ACSS3: variants seen among roughly 807,000 people sequenced by gnomAD.
ACSS3 encodes the protein acyl-CoA synthetase short chain family member 3.
ACSS3 carries 64 observed loss-of-function variants against 84.2 expected under a neutral mutation model. The ratio of observed to expected loss-of-function variants is 0.76; its 90% CI spans 0.62 to 0.94. ACSS3 has a LOEUF of 0.94. Ranked by LOEUF, ACSS3 falls within the 40% of genes least tolerant of loss-of-function variation. ACSS3 has a pLI of 0.00. For missense variants in ACSS3, 815 were observed against 867.6 expected, an observed-to-expected ratio of 0.94 and a Z score of 0.76; for synonymous variants, 317 against 310.1, an observed-to-expected ratio of 1.02 and a Z score of -0.23.
At chr12:81,131,537 T>TG (rs1276023107) in intron 2 of ACSS3, among the ~76,000 whole-genome samples, 2 of 152,170 alleles carry the variant, frequency 1.3e-5, no homozygotes, top group Admixed American at 6.5e-5. Context: ...GCTGAGATGA[T>TG]GGGGTTTTCT....
chr12:81,115,547 C>T (rs1049239941), intron 2 of ACSS3, among the ~76,000 whole-genome samples: 2 of 152,004 alleles, frequency 1.3e-5, no homozygotes, highest in Non-Finnish European at 2.9e-5. Context: ...GCAATCCTCC[C>T]GTCTCAGCCT....
intron 9 of ACSS3, among the ~76,000 whole-genome samples, chr12:81,215,623 G>A (rs1311092676): frequency 2.0e-5 from 3 of 152,150 alleles, no homozygotes; most frequent in Non-Finnish European, 2.9e-5. Context: ...TAGATATGAT[G>A]GGTTTGGCAG....
At chr12:81,158,993 T>C (rs1887019318) in intron 7 of ACSS3, among the ~76,000 whole-genome samples, 1 of 152,190 alleles carries the variant, frequency 6.6e-6, no homozygotes, top group Non-Finnish European at 1.5e-5. Context: ...CAGTATTTAA[T>C]ACATATTTGT....
intron 1 of ACSS3, among the ~76,000 whole-genome samples, chr12:81,087,267 G>A (rs1356147367): frequency 6.6e-6 from 1 of 152,066 alleles, no homozygotes; most frequent in Admixed American, 6.6e-5. Flanking sequence ...TGGACAATAG[G>A]AATACCTTCT....
rs186126444 is a variant in ACSS3 at position 81,171,910 on chromosome 12, T to C, written c.1099-2878T>C. Among the ~76,000 whole-genome samples, 8 of 152,286 alleles carry C rather than the reference T, an allele frequency of 5.3e-5. No individual in the cohort carries two copies. The East Asian group carries it at 1.4e-3, about 26-fold the overall frequency. On this transcript the variant is annotated intron_variant, in intron 7 of 15. Coordinates refer to ENST00000548058, the MANE Select transcript of ACSS3 (RefSeq NM_024560.4). ...GCTACAAACCTGTACAACATGTTATTGTGTTGAATACTGCAAGCAATTGTA... is the reference window on the plus strand; with the variant it reads ...GCTACAAACCTGTACAACATGTTATCGTGTTGAATACTGCAAGCAATTGTA...
intron 10 of ACSS3, among the ~76,000 whole-genome samples, chr12:81,218,705 G>A (rs139234885): frequency 1.6e-3 from 241 of 152,100 alleles, no homozygotes; most frequent in East Asian, 2.5e-3. Context: ...GGTGGAAGAC[G>A]TTAAACACAT....
intron 1 of ACSS3, among the ~76,000 whole-genome samples, chr12:81,087,641 T>C (rs879541567): frequency 2.6e-5 from 4 of 152,134 alleles, no homozygotes; most frequent in Non-Finnish European, 5.9e-5. Flanking sequence ...AATCTCACTT[T>C]GCATTCTCTC....
rs902408770 is a variant in ACSS3, at chr12:81,139,363, T to C, written c.780+98T>C. ...AAGAGACATTTGATTTATAAGCTAT[T>C]AAGTATACTGCTGAATGTTATTGTT... On this transcript the variant is annotated intron_variant, in intron 4 of 15. Transcript: ENST00000548058. 4.6e-6 allele frequency: 6 copies of C among 1,314,702 alleles called. No individual in the cohort carries two copies. In the African/African-American group the frequency reaches 8.8e-5, roughly 19 times the overall value. 81.4% of individuals were successfully genotyped at this position (1,314,702 alleles called of 1,614,324 possible). A position where few individuals can be genotyped will look rare whatever the true frequency, so the allele number is the denominator to read the frequency against.
chr12:81,110,331 C>T (rs993658440), intron 2 of ACSS3, among the ~76,000 whole-genome samples: 2 of 152,112 alleles, frequency 1.3e-5, no homozygotes, highest in African/African-American at 4.8e-5. Context: ...CTTTGTAGCT[C>T]TTTGAACATG....
chr12:81,231,029 A>G (rs1282582599), intron 11 of ACSS3, 28 bp from the exon 12 acceptor site: 4 of 1,548,710 alleles, frequency 2.6e-6, no homozygotes, highest in Admixed American at 1.7e-5. Context: ...CTTTCATCAT[A>G]ATTTTAACTT....
chr12:81,116,494 A>G (rs1490762536), intron 2 of ACSS3, among the ~76,000 whole-genome samples: 1 of 152,126 alleles, frequency 6.6e-6, no homozygotes, highest in Non-Finnish European at 1.5e-5. Context: ...CACTGTTGGA[A>G]GTATAAACTT....
rs2034498333 is a variant in ACSS3, at chr12:81,258,849, GA to G, written c.*3929del. On this transcript the variant is annotated 3_prime_UTR_variant, in exon 16 of 16. Coordinates refer to ENST00000548058, the MANE Select transcript of ACSS3 (RefSeq NM_024560.4). ...GAATGAACATGTGGTTCTTAGTAAAGAAGTTTTTTTATCTTTTTTTTTTTCT... is the reference window on the plus strand; with the variant it reads ...GAATGAACATGTGGTTCTTAGTAAAGAGTTTTTTTATCTTTTTTTTTTTCT... 1 of 151,354 alleles carries G rather than the reference GA, an allele frequency of 6.6e-6. No individual in the cohort carries two copies. The highest frequency in any genetic ancestry group is 2.4e-5 in the African/African-American group (1 of 40,872). 9.4% of individuals were successfully genotyped at this position (151,354 alleles called of 1,614,324 possible).
In ACSS3 at chr12:81,253,347, T is replaced by C; in HGVS notation, c.1760T>C (p.Val587Ala). The C allele has an allele frequency of 6.2e-7, 1 of 1,613,984 alleles. No homozygotes were observed. Among genetic ancestry groups the C allele is most frequent in the Non-Finnish European group, 8.5e-7 (1 of 1,179,886 alleles). ...GGTACCGTGGCAGACTGTGCTGTTG[T>C]TGGCAAGGAAGATCCCTTAAAAGGT... ...SHGTVADCAVVGKEDPLKGHV... is the reference protein window; with the variant it reads ...SHGTVADCAVAGKEDPLKGHV... Residue 587 changes from valine to alanine, a missense_variant, in exon 14 of 16, where the codon GTT becomes GCT. Physicochemically the swap from Val to Ala is moderately conservative, Grantham distance 64 (BLOSUM62 0). Coordinates refer to ENST00000548058, the MANE Select transcript of ACSS3 (RefSeq NM_024560.4).
intron 2 of ACSS3, among the ~76,000 whole-genome samples, chr12:81,131,652 T>C (rs1765898091): frequency 6.6e-6 from 1 of 152,196 alleles, no homozygotes; most frequent in Non-Finnish European, 1.5e-5. Flanking sequence ...GGCCAGAACT[T>C]CCAACACTAT....
chr12:81,213,840 T>C (rs143982958), intron 9 of ACSS3, among the ~76,000 whole-genome samples: 3,485 of 25,724 alleles, frequency 0.14, 268 homozygotes, highest in African/African-American at 0.2. Flanking sequence ...TCTCTTCTCT[T>C]CTCTCCTCTC....
intron 7 of ACSS3, among the ~76,000 whole-genome samples, chr12:81,160,627 A>C (rs1887104709): frequency 1.3e-5 from 2 of 152,174 alleles, no homozygotes. Flanking sequence ...ACTTTTGTGA[A>C]TCTTCTTCAC....
intron 2 of ACSS3, among the ~76,000 whole-genome samples, chr12:81,127,746 T>G (rs191122793): frequency 6.6e-6 from 1 of 152,306 alleles, no homozygotes; most frequent in East Asian, 1.9e-4. Context: ...AAGTTGCCCA[T>G]GATCACTGCA....
chr12:81,246,976 C>T lies in ACSS3; in HGVS notation c.1720-6331C>T, dbSNP rs1484785761. Among the ~76,000 whole-genome samples, 4 of 152,142 alleles carry T rather than the reference C, an allele frequency of 2.6e-5. No individual in the cohort carries two copies. In the East Asian group the frequency reaches 7.7e-4, roughly 29 times the overall value. ...AATTAAAAAAGTTTGTACCTATCTTCAGTTCAAACTTAACAGCTTAATACT... is the reference window on the plus strand; with the variant it reads ...AATTAAAAAAGTTTGTACCTATCTTTAGTTCAAACTTAACAGCTTAATACT... On this transcript the variant is annotated intron_variant, in intron 13 of 15. Transcript: ENST00000548058.
chr12:81,122,409 T>C (rs1312130258), intron 2 of ACSS3, among the ~76,000 whole-genome samples: 1 of 152,102 alleles, frequency 6.6e-6, no homozygotes, highest in Non-Finnish European at 1.5e-5. Context: ...ATTAATGTTG[T>C]TTAAAAAATA....
Sources: allele counts gnomAD v4.1 joint callset (sites outside exome capture counted in the v4.1 genomes callset), GRCh38; gene constraint gnomAD v4.1.1; transcripts MANE v1.5; gene names NCBI Gene and HGNC (gene_info 2026-07-23, HGNC 2026-07-21).